RAB40C: variants seen among roughly 807,000 people sequenced by gnomAD.
RAB40C encodes ras-related protein Rab-40C.
In RAB40C, 8 loss-of-function variants were observed where a neutral mutation model predicts 28.1. The ratio of observed to expected loss-of-function variants is 0.28; its 90% CI spans 0.17 to 0.51. The LOEUF is 0.51. Among genes scored for constraint, RAB40C ranks in the 20% least tolerant of loss-of-function variants. The pLI is 0.97. For synonymous variants in RAB40C, 201 were observed against 171.7 expected (o/e 1.17, Z -1.34); for missense variants, 288 against 405.9 (o/e 0.71, Z 2.50).
rs181837286 is a variant in RAB40C at position 595,071 on chromosome 16, G to A, written c.142+4638G>A. ...TGACCTCAAGTGATCCACCTGCCTC[G>A]GGGGTTTTGCTCGTTTTCTGGGGCA... On this transcript the variant is annotated intron_variant, in intron 1 of 5. Coordinates refer to ENST00000248139, the MANE Select transcript of RAB40C (RefSeq NM_021168.5). Among the ~76,000 whole-genome samples the A allele has an allele frequency of 8.1e-4, 123 of 152,176 alleles. 2 individuals are homozygous for A. In the Middle Eastern group the frequency reaches 0.017, roughly 21 times the overall value.
intron 1 of RAB40C, among the ~76,000 whole-genome samples, chr16:601,760 A>G (rs1315931008): frequency 7.2e-6 from 1 of 138,292 alleles, no homozygotes. Flanking sequence ...CGATCCCCTG[A>G]GGCCGGGGGT....
At chr16:620,665 G>T (rs2036693029) in intron 3 of RAB40C, among the ~76,000 whole-genome samples, 1 of 74,286 alleles carries the variant, frequency 1.3e-5, no homozygotes, top group Non-Finnish European at 2.5e-5. Flanking sequence ...CCCCCCCGAC[G>T]GGCTCCACCG....
intron 1 of RAB40C, among the ~76,000 whole-genome samples, chr16:593,719 T>C (rs2036050577): frequency 6.6e-6 from 1 of 152,240 alleles, no homozygotes; most frequent in Non-Finnish European, 1.5e-5. Context: ...CCAGCACCTG[T>C]GGGAGCCCCT....
At chr16:623,970 C>G in intron 3 of RAB40C, 1 of 985,424 alleles carries the variant, frequency 1.0e-6, no homozygotes. Context: ...AGTGCTGGGA[C>G]CTGCGTTCTT....
chr16:610,538 A>G lies in RAB40C; in HGVS notation c.143-6670A>G, dbSNP rs1265350647. ...GGGTATTAGCTTAGCTTATTTTTGA[A>G]AAGACATTTCAACAGGAGGTAAAAA... On this transcript the variant is annotated intron_variant, in intron 1 of 5. Transcript: ENST00000248139. This position sits in a 1 kb window ranked among gnomAD's most constrained non-coding sequence, Gnocchi z 4.6. Among the ~76,000 whole-genome samples the G allele has an allele frequency of 2.6e-5, 4 of 152,110 alleles. No individual in the cohort carries two copies. The highest frequency in any genetic ancestry group is 1.9e-4 in the East Asian group (1 of 5,190).
At chr16:596,663 G>A (rs974986207) in intron 1 of RAB40C, among the ~76,000 whole-genome samples, 6 of 152,236 alleles carry the variant, frequency 3.9e-5, no homozygotes, top group African/African-American at 1.2e-4. Context: ...GCAGACTGTG[G>A]AACTGGCGGG....
chr16:614,319 A>G lies in RAB40C; in HGVS notation c.143-2889A>G, dbSNP rs1450718191. Among the ~76,000 whole-genome samples the G allele has an allele frequency of 2.0e-4, 23 of 117,826 alleles. 2 individuals are homozygous for G. Among genetic ancestry groups the G allele is most frequent in the Non-Finnish European group, 2.0e-4 (11 of 54,296 alleles). 77.3% of individuals were successfully genotyped at this position (117,826 alleles called of 152,430 possible). ...GAACTGCTAACTCTGCCACATCCCG[A>G]TGGTGAACTGCTAACTCTGCCGCAT... On this transcript the variant is annotated intron_variant, in intron 1 of 5. Coordinates refer to ENST00000248139, the MANE Select transcript of RAB40C (RefSeq NM_021168.5).
chr16:622,755 C>T (rs542177045), intron 3 of RAB40C, among the ~76,000 whole-genome samples: 13 of 152,344 alleles, frequency 8.5e-5, no homozygotes, highest in South Asian at 4.1e-4. Flanking sequence ...CCGCCTGCCT[C>T]GGCCTCCCAA....
At chr16:589,600 TGGCGCC>T (rs1174511897), upstream of RAB40C, 3 of 151,882 alleles carry the variant, frequency 2.0e-5, no homozygotes, top group East Asian at 1.9e-4. Context: ...AGCGACCCAA[TGGCGCC>T]GGCGACGGGG....
chr16:592,552 A>C (rs770590817), intron 1 of RAB40C, among the ~76,000 whole-genome samples: 5 of 152,210 alleles, frequency 3.3e-5, no homozygotes, highest in Non-Finnish European at 7.4e-5. Context: ...CTGGTCCTGC[A>C]CTTGACAGTG....
At chr16:601,815 T>TAAAAAAAAAAAAAAA (rs60094426) in intron 1 of RAB40C, among the ~76,000 whole-genome samples, 2 of 27,200 alleles carry the variant, frequency 7.4e-5, no homozygotes, top group Admixed American at 5.2e-4. Flanking sequence ...CAAAAAAAAG[T>TAAAAAAAAAAAAAAA]AAAAAAAAAA....
intron 1 of RAB40C, among the ~76,000 whole-genome samples, chr16:602,218 T>C (rs2036266873): frequency 6.6e-6 from 1 of 151,848 alleles, no homozygotes; most frequent in Admixed American, 6.6e-5. Context: ...TGGAATGAAA[T>C]ATATGACAAC....
rs1157431126 is a variant in RAB40C at position 625,775 on chromosome 16, C to T, written c.343-124C>T. 3.5e-5 allele frequency: 37 copies of T among 1,047,194 alleles called. No homozygotes were observed. The South Asian group carries it at 3.7e-4, about 10-fold the overall frequency. The allele number at this position is 1,047,194 out of a possible 1,614,324, so 64.9% of individuals were successfully genotyped here. A position where few individuals can be genotyped will look rare whatever the true frequency, so the allele number is the denominator to read the frequency against. ...CCTGGGGTCTGCCCACCTTGACCTC[C>T]GCCCACCTTGACCTCCCACGGCCCT... On this transcript the variant is annotated intron_variant, in intron 4 of 5. Coordinates refer to ENST00000248139, the MANE Select transcript of RAB40C (RefSeq NM_021168.5).
intron 3 of RAB40C, 39 bp downstream of exon 3, chr16:618,299 A>G: frequency 6.4e-7 from 1 of 1,557,190 alleles, no homozygotes; most frequent in South Asian, 1.2e-5. Context: ...TTTTCAAAGG[A>G]TGTTTCTCCT....
intron 3 of RAB40C, among the ~76,000 whole-genome samples, chr16:620,676 C>T (rs1485870638): frequency 3.9e-5 from 3 of 76,126 alleles, no homozygotes; most frequent in Admixed American, 1.5e-4. Flanking sequence ...GGCTCCACCG[C>T]GGGCATCCCA....
At chr16:624,927 G>A in intron 3 of RAB40C, 1 of 1,287,094 alleles carries the variant, frequency 7.8e-7, no homozygotes, top group Non-Finnish European at 1.0e-6. Flanking sequence ...AGTCCCCGTG[G>A]CAAAACCTGC....
intron 1 of RAB40C, among the ~76,000 whole-genome samples, chr16:599,208 G>A (rs561926613): frequency 7.8e-4 from 119 of 152,334 alleles, no homozygotes; most frequent in African/African-American, 2.8e-3. Flanking sequence ...CCCCGGCCCC[G>A]GCCGAAGCTG....
At position 625,966 on chromosome 16, in the gene RAB40C, C is replaced by T. The variant is rs778692638; in HGVS notation, c.410C>T (p.Pro137Leu). 2.4e-5 allele frequency: 38 copies of T among 1,612,954 alleles called. No individual in the cohort carries two copies. Among genetic ancestry groups the T allele is most frequent in the Middle Eastern group, 1.6e-4 (1 of 6,082 alleles). Reference sequence around the variant, plus strand: ...CACCTGGCCTTCAAGCGGCAGGTCCCGACGGAGCAGGCCCGCGCGTACGCA... The same window carrying T: ...CACCTGGCCTTCAAGCGGCAGGTCCTGACGGAGCAGGCCCGCGCGTACGCA... ...RLHLAFKRQV[P>L]TEQARAYAEK... The change falls in exon 5 of 6, where the codon CCG becomes CTG. Residue 137 changes from proline (P) to leucine (L), a missense_variant. Pro to Leu is a moderately conservative substitution (Grantham distance 98). Around this residue, in one of 3 missense-constraint regions of RAB40C, gnomAD observed 153 missense variants for 262.4 expected, o/e 0.58. Transcript: ENST00000248139.
intron 3 of RAB40C, chr16:624,428 G>T: frequency 2.0e-6 from 2 of 985,480 alleles, no homozygotes; most frequent in Non-Finnish European, 2.4e-6. Flanking sequence ...CTCAGCGAGA[G>T]GTGTCCTTCC....
Sources: allele counts gnomAD v4.1 joint callset (sites outside exome capture counted in the v4.1 genomes callset), GRCh38; gene constraint gnomAD v4.1.1; regional missense constraint gnomAD v4.1.1; non-coding constraint Gnocchi (gnomAD v3.1); transcripts MANE v1.5; gene names NCBI Gene and HGNC (gene_info 2026-07-23, HGNC 2026-07-21).